Variants in DLGAP1 observed in about 807,000 individuals in gnomAD.
DLGAP1 encodes DLG associated protein 1.
Under a neutral mutation model 90.8 loss-of-function variants are expected in DLGAP1, and 11 were observed. The ratio of observed to expected loss-of-function variants is 0.12; its 90% CI spans 0.08 to 0.20. The LOEUF (loss-of-function observed/expected upper bound fraction) is 0.20. Among genes scored for constraint, DLGAP1 ranks in the 10% least tolerant of loss-of-function variants. The pLI, the probability that DLGAP1 is intolerant of heterozygous loss-of-function variation, is 1.00. For synonymous variants in DLGAP1, 558 were observed against 540.7 expected, an observed-to-expected ratio of 1.03 and a Z score of -0.44; for missense variants, 1,050 against 1,333.8, an observed-to-expected ratio of 0.79 and a Z score of 3.31.
intron 2 of DLGAP1, among the ~76,000 whole-genome samples, chr18:4,007,776 C>T (rs1416424220): frequency 6.6e-6 from 1 of 152,116 alleles, no homozygotes; most frequent in Non-Finnish European, 1.5e-5. Flanking sequence ...TCGGTCATAC[C>T]ATGGTGACTT....
intron 9 of DLGAP1, among the ~76,000 whole-genome samples, chr18:3,553,859 C>G (rs971145005): frequency 6.6e-6 from 1 of 152,046 alleles, no homozygotes; most frequent in Non-Finnish European, 1.5e-5. Context: ...AAAAATTACT[C>G]CAAAGCCTAT....
At position 4,336,944 on chromosome 18, in the gene DLGAP1, C is replaced by CA. The variant is rs78000211; in HGVS notation, c.-267+118061dup. ...TGAAACCCCGTCTCTACTGAAAATA[C>CA]AAAAAAAAAAAAAAAAAAAATTAGC... On this transcript the variant is annotated intron_variant, in intron 1 of 12. Coordinates refer to ENST00000315677, the MANE Select transcript of DLGAP1 (RefSeq NM_004746.4). 7.3e-4 allele frequency among the ~76,000 whole-genome samples: 86 copies of CA among 117,820 alleles called. 1 individual carries two copies. Among genetic ancestry groups the CA allele is most frequent in the East Asian group, 6.7e-3 (26 of 3,896 alleles). The allele number at this position is 117,820 out of a possible 152,430, so 77.3% of individuals were successfully genotyped here.
intron 7 of DLGAP1, among the ~76,000 whole-genome samples, chr18:3,625,757 T>C (rs1231595609): frequency 6.6e-6 from 1 of 152,186 alleles, no homozygotes; most frequent in Non-Finnish European, 1.5e-5. Flanking sequence ...ATCATAAATA[T>C]CAATTTCATC....
intron 3 of DLGAP1, among the ~76,000 whole-genome samples, chr18:3,922,866 T>C (rs1379747401): frequency 6.6e-6 from 1 of 152,074 alleles, no homozygotes; most frequent in African/African-American, 2.4e-5. Context: ...AGTGTCGTGG[T>C]TCGTTCCTGT....
chr18:3,551,824 G>A (rs2053493884), intron 9 of DLGAP1, among the ~76,000 whole-genome samples: 1 of 147,122 alleles, frequency 6.8e-6, no homozygotes, highest in African/African-American at 2.5e-5. Context: ...TGATACCCAG[G>A]CTGGAGTGCA....
intron 5 of DLGAP1, among the ~76,000 whole-genome samples, chr18:3,754,876 C>A (rs1449800652): frequency 4.0e-5 from 6 of 151,488 alleles, no homozygotes; most frequent in Non-Finnish European, 8.8e-5. Context: ...AGCGTGGCGA[C>A]AGAGCAAGAC....
At chr18:3,686,107 G>A (rs184976652) in intron 7 of DLGAP1, among the ~76,000 whole-genome samples, 9 of 152,192 alleles carry the variant, frequency 5.9e-5, no homozygotes, top group African/African-American at 2.2e-4. Context: ...AACCCAGGAG[G>A]CAATGTTGCT....
chr18:4,267,182 G>T (rs535339727), intron 1 of DLGAP1, among the ~76,000 whole-genome samples: 8 of 145,622 alleles, frequency 5.5e-5, no homozygotes, highest in Non-Finnish European at 8.9e-5. Flanking sequence ...TCACTGTAAT[G>T]AGTGTGTGTG....
intron 3 of DLGAP1, among the ~76,000 whole-genome samples, chr18:3,974,004 A>G (rs2073513952): frequency 6.6e-6 from 1 of 152,210 alleles, no homozygotes; most frequent in Admixed American, 6.5e-5. Flanking sequence ...TACTGTAGGC[A>G]ATTGTAACAC....
At chr18:4,162,910 G>GT (rs113123963) in intron 1 of DLGAP1, among the ~76,000 whole-genome samples, 2,054 of 148,636 alleles carry the variant, frequency 0.014, 68 homozygotes, top group Admixed American at 0.072. Context: ...AATAATCAGA[G>GT]TTTTTTTTTA....
chr18:4,060,861 T>C (rs905192503), intron 2 of DLGAP1, among the ~76,000 whole-genome samples: 2 of 152,220 alleles, frequency 1.3e-5, no homozygotes, highest in Admixed American at 6.5e-5. Context: ...GCATGTTGTA[T>C]ATGATCTATG....
At chr18:3,881,931 A>C (rs1040674600) in intron 3 of DLGAP1, among the ~76,000 whole-genome samples, 14 of 152,098 alleles carry the variant, frequency 9.2e-5, no homozygotes, top group Non-Finnish European at 1.9e-4. Flanking sequence ...CAAACAAACA[A>C]ACACTAAGAT....
Position 4,110,432 on chromosome 18 carries a change from G to C in DLGAP1, c.-159+40748C>G, listed in dbSNP as rs2075953208. 2.6e-5 allele frequency among the ~76,000 whole-genome samples: 4 copies of C among 152,128 alleles called. No individual in the cohort carries two copies. The South Asian group carries it at 6.2e-4, about 24-fold the overall frequency. On this transcript the variant is annotated intron_variant, in intron 2 of 12. Transcript: ENST00000315677. ...TACTCTTAAGCCATTAATCCCCCCA[G>C]TGTGTACTCATGGAATGGTAACTGA...
chr18:3,765,422 A>C (rs1036128668), intron 5 of DLGAP1, among the ~76,000 whole-genome samples: 18 of 151,286 alleles, frequency 1.2e-4, no homozygotes, highest in Admixed American at 3.3e-4. Context: ...GAGCCACTGC[A>C]CCTGGCTCCA....
At position 4,391,891 on chromosome 18, in the gene DLGAP1, G is replaced by A. The variant is rs181258088; in HGVS notation, c.-267+63115C>T. ...CACATCTACACATGGCTTTGATACCGTACCCTCTTTATTTGGTCTAAAAAT... is the reference window on the plus strand; with the variant it reads ...CACATCTACACATGGCTTTGATACCATACCCTCTTTATTTGGTCTAAAAAT... On this transcript the variant is annotated intron_variant, in intron 1 of 12. Transcript: ENST00000315677. Among the ~76,000 whole-genome samples the A allele has an allele frequency of 9.2e-5, 14 of 152,186 alleles. No homozygotes were observed. The South Asian group carries it at 1.9e-3, about 20-fold the overall frequency.
intron 3 of DLGAP1, among the ~76,000 whole-genome samples, chr18:3,973,462 C>T (rs1271510582): frequency 6.6e-6 from 1 of 152,158 alleles, no homozygotes; most frequent in Non-Finnish European, 1.5e-5. Flanking sequence ...TGGTTTGGGA[C>T]TCAATTTCAC....
intron 7 of DLGAP1, among the ~76,000 whole-genome samples, chr18:3,606,261 C>T (rs544285143): frequency 3.5e-4 from 53 of 152,236 alleles, no homozygotes; most frequent in Admixed American, 8.5e-4. Context: ...AGCTGCAACT[C>T]GCCAGGATGA....
At chr18:4,054,998 G>T (rs143216620) in intron 2 of DLGAP1, among the ~76,000 whole-genome samples, 2 of 152,090 alleles carry the variant, frequency 1.3e-5, no homozygotes, top group African/African-American at 4.8e-5. Context: ...ATTATTTTGC[G>T]TGCTTTGGGA....
At chr18:4,420,770 T>C (rs2083011478) in intron 1 of DLGAP1, among the ~76,000 whole-genome samples, 1 of 152,220 alleles carries the variant, frequency 6.6e-6, no homozygotes. Flanking sequence ...AAATTCAACA[T>C]CTTGTTCCAC....
Sources: gnomAD v4.1 joint callset for allele counts (sites outside exome capture counted in the v4.1 genomes callset) on GRCh38, gnomAD v4.1.1 for gene constraint, MANE v1.5 for transcripts, NCBI Gene and HGNC (gene_info 2026-07-23, HGNC 2026-07-21) for gene names.